Variants in MTCH1 observed in about 807,000 individuals in gnomAD.
The protein encoded by MTCH1 is mitochondrial carrier homolog 1.
Under a neutral mutation model 49.3 loss-of-function variants are expected in MTCH1, and 23 were observed. The observed-to-expected ratio is 0.47, with a 90% CI of 0.34 to 0.66. MTCH1 has a LOEUF of 0.66. Ranked by LOEUF, MTCH1 falls within the 30% of genes least tolerant of loss-of-function variation. The pLI, the probability that MTCH1 is intolerant of heterozygous loss-of-function variation, is 0.01. For missense variants in MTCH1, 397 were observed against 532.1 expected (o/e 0.75, Z 2.50); for synonymous variants, 229 against 215.2 (o/e 1.06, Z -0.56).
rs374722819 is a variant in MTCH1 at position 36,977,504 on chromosome 6, T to C, written c.649+130A>G. On this transcript the variant is annotated intron_variant, in intron 5 of 11. Transcript: ENST00000373627. This position sits in a 1 kb window ranked among gnomAD's most constrained non-coding sequence, Gnocchi z 5.4. ...CTCAGTGAGGTGGGTTCCAGTAGAA[T>C]ACCCCCAACCCCACTACCACTTCCC... The C allele has an allele frequency of 8.3e-5, 60 of 721,472 alleles. No homozygotes were observed. Among genetic ancestry groups the C allele is most frequent in the South Asian group, 5.7e-4 (32 of 56,252 alleles). The allele number at this position is 721,472 out of a possible 1,614,324, so 44.7% of individuals were successfully genotyped here. A position where few individuals can be genotyped will look rare whatever the true frequency, so the allele number is the denominator to read the frequency against.
At chr6:36,980,180 C>A (rs1317091587) in intron 2 of MTCH1, among the ~76,000 whole-genome samples, 1 of 152,200 alleles carries the variant, frequency 6.6e-6, no homozygotes, top group East Asian at 1.9e-4. Flanking sequence ...TAGATTAAAG[C>A]TACATTTATA....
intron 11 of MTCH1, chr6:36,969,425 A>C: frequency 9.4e-7 from 1 of 1,065,050 alleles, no homozygotes; most frequent in Non-Finnish European, 1.1e-6. Context: ...CTGCGAGGCA[A>C]ATCAAGGCCA....
At chr6:36,970,566 C>T in intron 9 of MTCH1, 81 bp downstream of exon 9, 2 of 1,607,978 alleles carry the variant, frequency 1.2e-6, no homozygotes, top group Non-Finnish European at 8.5e-7. Flanking sequence ...GACCTGCCTC[C>T]AGCCATTACC....
At position 36,977,096 on chromosome 6, in the gene MTCH1, G is replaced by T; in HGVS notation, c.701+103C>A. On this transcript the variant is annotated intron_variant, in intron 6 of 11. Transcript: ENST00000373627. This position sits in a 1 kb window ranked among gnomAD's most constrained non-coding sequence, Gnocchi z 5.4. ...CCAGGCAGCAGGCTGAACTCACACAGCACTAGGGCAGAAAAGGTGCAGCAA... is the reference window on the plus strand; with the variant it reads ...CCAGGCAGCAGGCTGAACTCACACATCACTAGGGCAGAAAAGGTGCAGCAA... The T allele has an allele frequency of 1.6e-6, 2 of 1,229,722 alleles. No individual in the cohort carries two copies. Among genetic ancestry groups the T allele is most frequent in the Non-Finnish European group, 2.4e-6 (2 of 835,250 alleles). The allele number at this position is 1,229,722 out of a possible 1,614,324, so 76.2% of individuals were successfully genotyped here.
chr6:36,982,561 GT>G lies in MTCH1; in HGVS notation c.322-890del, dbSNP rs1764138062. On this transcript the variant is annotated intron_variant, in intron 1 of 11. Coordinates refer to ENST00000373627, the MANE Select transcript of MTCH1 (RefSeq NM_001271641.2). This position sits in a 1 kb window ranked among gnomAD's most constrained non-coding sequence, Gnocchi z 4.1. ...CGCCACCATACCCGGCAAATTTTTT[GT>G]ATTTTTAGTAGAGACGGGGTTTCTC... Among the ~76,000 whole-genome samples the G allele has an allele frequency of 6.6e-6, 1 of 151,998 alleles. No homozygotes were observed. Among genetic ancestry groups the G allele is most frequent in the Admixed American group, 6.5e-5 (1 of 15,280 alleles).
At chr6:36,983,311 A>C (rs561120538) in intron 1 of MTCH1, among the ~76,000 whole-genome samples, 1 of 152,260 alleles carries the variant, frequency 6.6e-6, no homozygotes, top group East Asian at 1.9e-4. Context: ...TTTTGTCTTG[A>C]TCTGTGTTCT....
chr6:36,976,888 C>A (rs897523483), intron 6 of MTCH1, among the ~76,000 whole-genome samples: 2 of 152,162 alleles, frequency 1.3e-5, no homozygotes, highest in Non-Finnish European at 2.9e-5. Context: ...AAAGGAGACC[C>A]CAGCTCAGTC....
intron 6 of MTCH1, chr6:36,976,476 C>T (rs1173068666): frequency 6.4e-6 from 3 of 469,380 alleles, no homozygotes; most frequent in Non-Finnish European, 1.3e-5. Flanking sequence ...CAGATTATAC[C>T]CTTCTGGTCC....
chr6:36,976,745 G>C, intron 6 of MTCH1: 1 of 374,256 alleles, frequency 2.7e-6, no homozygotes, highest in Non-Finnish European at 5.3e-6. Flanking sequence ...AGCAGATCTA[G>C]GTGAGGGTCT....
chr6:36,985,440 A>C (rs1764263634), intron 1 of MTCH1, among the ~76,000 whole-genome samples: 2 of 148,770 alleles, frequency 1.3e-5, no homozygotes, highest in African/African-American at 2.5e-5. Flanking sequence ...CCATCTCTTC[A>C]CCCAAACTTC....
At position 36,977,972 on chromosome 6, in the gene MTCH1, A is replaced by G. The variant is rs567678818; in HGVS notation, c.591+106T>C. ...CCCTTACCATCCCACCCATGCATACACAAGGACCCAACTCTTCGACTTGTC... is the reference window on the plus strand; with the variant it reads ...CCCTTACCATCCCACCCATGCATACGCAAGGACCCAACTCTTCGACTTGTC... On this transcript the variant is annotated intron_variant, in intron 4 of 11. Transcript: ENST00000373627. This position sits in a 1 kb window ranked among gnomAD's most constrained non-coding sequence, Gnocchi z 5.4. The G allele has an allele frequency of 1.8e-4, 188 of 1,055,352 alleles. No homozygotes were observed. In the African/African-American group the frequency reaches 2.6e-3, roughly 14 times the overall value. The allele number at this position is 1,055,352 out of a possible 1,614,324, so 65.4% of individuals were successfully genotyped here.
chr6:36,986,275 A>C, upstream of MTCH1: 1 of 1,115,086 alleles, frequency 9.0e-7, no homozygotes, highest in Non-Finnish European at 1.2e-6. Flanking sequence ...GCCGCGGGGG[A>C]GCTCGGGAGC....
chr6:36,981,535 C>G (rs1157681280), intron 2 of MTCH1, 53 bp downstream of exon 2: 1 of 1,573,542 alleles, frequency 6.4e-7, no homozygotes, highest in Admixed American at 1.7e-5. Context: ...TGCTCCCCAC[C>G]TGAGGCCTCT....
In MTCH1 at chr6:36,968,707, C is replaced by T. The variant is rs11548580; in HGVS notation, c.*196G>A. 33,159 of 861,528 alleles carry T rather than the reference C, an allele frequency of 0.038. 765 individuals are homozygous for T. The highest frequency in any genetic ancestry group is 0.043 in the Non-Finnish European group (22,867 of 531,086). The allele number at this position is 861,528 out of a possible 1,614,324, so 53.4% of individuals were successfully genotyped here. A position where few individuals can be genotyped will look rare whatever the true frequency, so the allele number is the denominator to read the frequency against. ...ACCTTCCCTAGGTCTGCCGGGTGAC[C>T]CAATCCACTGGGTGCAGCCCCACCC... is the stretch of plus-strand genomic sequence containing the variant. On this transcript the variant is annotated 3_prime_UTR_variant, in exon 12 of 12. Coordinates refer to ENST00000373627, the MANE Select transcript of MTCH1 (RefSeq NM_001271641.2).
chr6:36,969,920 C>T (rs1299248186), intron 11 of MTCH1, 119 bp downstream of exon 11: 11 of 1,550,738 alleles, frequency 7.1e-6, no homozygotes, highest in Non-Finnish European at 9.6e-6. Context: ...TATCTCCTCA[C>T]AATATTGAAT....
At position 36,977,558 on chromosome 6, in the gene MTCH1, C is replaced by A. The variant is rs1244043998; in HGVS notation, c.649+76G>T. ...AGGTCTACGGCTGTCTATGTACAGT[C>A]CACGAGGGGGCGCCCCTCACCCCAC... On this transcript the variant is annotated intron_variant, in intron 5 of 11. Transcript: ENST00000373627. The surrounding 1 kb of genome is among the most constrained non-coding windows in gnomAD (Gnocchi z 5.4). The A allele has an allele frequency of 2.0e-6, 2 of 1,022,058 alleles. No individual in the cohort carries two copies. The highest frequency in any genetic ancestry group is 4.1e-5 in the Admixed American group (2 of 49,070). 63.3% of individuals were successfully genotyped at this position (1,022,058 alleles called of 1,614,324 possible).
chr6:36,978,476 C>T lies in MTCH1; in HGVS notation c.513+29G>A, dbSNP rs751796417. 1.1e-5 allele frequency: 17 copies of T among 1,605,916 alleles called. No individual in the cohort carries two copies. The East Asian group carries it at 1.8e-4, about 17-fold the overall frequency. On this transcript the variant is annotated intron_variant, in intron 3 of 11. Coordinates refer to ENST00000373627, the MANE Select transcript of MTCH1 (RefSeq NM_001271641.2). ...GCTGGGAGTATGAGGAAACCTCGGG[C>T]GACTGTTCCTGGCTTTGTGTGGGCT...
At chr6:36,970,508 AC>A (rs1445262176) in intron 9 of MTCH1, 35 bp from the exon 10 acceptor site, 1 of 1,612,260 alleles carries the variant, frequency 6.2e-7, no homozygotes, top group Non-Finnish European at 8.5e-7. Flanking sequence ...CCAGTGACCC[AC>A]CCCGGCCCAG....
In MTCH1 at chr6:36,970,669, C is replaced by T; in HGVS notation, c.932G>A (p.Ser311Asn). The part of the protein sequence containing the change: ...SQFSQALAIR[S>N]YTKFVMGIAV... ...TACCCCCATCACGAACTTGGTATAG[C>T]TCCGGATGGCCAGGGCCTGGCTGAA... The change falls in exon 9 of 12, where the codon AGC becomes AAC. Residue 311 changes from serine to asparagine, a missense_variant. Coordinates refer to ENST00000373627, the MANE Select transcript of MTCH1 (RefSeq NM_001271641.2). The T allele has an allele frequency of 6.2e-7, 1 of 1,614,192 alleles. No individual in the cohort carries two copies. The highest frequency in any genetic ancestry group is 8.5e-7 in the Non-Finnish European group (1 of 1,180,040).
Sources: gnomAD v4.1 joint callset for allele counts (sites outside exome capture counted in the v4.1 genomes callset) on GRCh38, gnomAD v4.1.1 for gene constraint, Gnocchi (gnomAD v3.1) non-coding constraint, MANE v1.5 for transcripts, NCBI Gene and HGNC (gene_info 2026-07-23, HGNC 2026-07-21) for gene names.